The following C6orf89 variants were observed in gnomAD, a reference collection of about 807,000 sequenced individuals.
C6orf89 encodes the protein chromosome 6 open reading frame 89.
Under a neutral mutation model 40.7 loss-of-function variants are expected in C6orf89, and 29 were observed. That is an observed-to-expected ratio of 0.71 (90% CI 0.53 to 0.97). C6orf89 has a LOEUF of 0.97. C6orf89 is among the 50% of genes least tolerant of loss of function. The pLI, the probability that C6orf89 is intolerant of heterozygous loss-of-function variation, is 0.00. For synonymous variants in C6orf89, 165 were observed against 152.2 expected, an observed-to-expected ratio of 1.08 and a Z score of -0.62; for missense variants, 392 against 429.1, an observed-to-expected ratio of 0.91 and a Z score of 0.76.
At chr6:36,914,519 C>T (rs943352625) in intron 5 of C6orf89, 35 bp from the exon 6 acceptor site, 1 of 1,612,652 alleles carries the variant, frequency 6.2e-7, no homozygotes, top group Non-Finnish European at 8.5e-7. Context: ...ACAAGTAACT[C>T]TGTGTTGTTT....
intron 2 of C6orf89, among the ~76,000 whole-genome samples, chr6:36,880,415 CCTGT>C (rs34916536): frequency 0.14 from 20,738 of 152,014 alleles, 1,617 homozygotes; most frequent in East Asian, 0.27. Flanking sequence ...TCTTCTTCTG[CCTGT>C]CTGTCTAATT....
chr6:36,888,491 G>C (rs1775075141), intron 1 of C6orf89, among the ~76,000 whole-genome samples: 1 of 152,174 alleles, frequency 6.6e-6, no homozygotes, highest in Non-Finnish European at 1.5e-5. Context: ...AAAATTAGCT[G>C]AGTGTGGTGG....
chr6:36,913,849 T>TTTAAA lies in C6orf89; in HGVS notation c.404-435_404-434insTTAAA, dbSNP rs557395240. Among the ~76,000 whole-genome samples, 3,050 of 152,318 alleles carry TTTAAA rather than the reference T, an allele frequency of 0.02. 202 individuals are homozygous for TTTAAA. In the East Asian group the frequency reaches 0.26, roughly 13 times the overall value. ...TACCTTTTCAGCGGTCTCCAGTGCT[T>TTTAAA]ATCATTGTTTGTTTTTAAAAATTAT... On this transcript the variant is annotated intron_variant, in intron 4 of 8. Coordinates refer to ENST00000480824, the MANE Select transcript of C6orf89 (RefSeq NM_001286635.2).
At position 36,907,964 on chromosome 6, in the gene C6orf89, G is replaced by A. The variant is rs997674; in HGVS notation, c.403+5530G>A. Among the ~76,000 whole-genome samples the A allele has an allele frequency of 0.02, 3,063 of 152,268 alleles. 204 individuals are homozygous for A. In the East Asian group the frequency reaches 0.26, roughly 13 times the overall value. ...CTCCAGCCAGTTGTATAGAGAACAC[G>A]TCAGACAAAACCTTTTCAGATGGAC... On this transcript the variant is annotated intron_variant, in intron 4 of 8. Transcript: ENST00000480824.
intron 4 of C6orf89, among the ~76,000 whole-genome samples, chr6:36,911,076 C>T (rs1368485797): frequency 1.3e-5 from 2 of 152,134 alleles, no homozygotes; most frequent in African/African-American, 2.4e-5. Context: ...GTTTGCTATT[C>T]CTACTTTCTT....
chr6:36,919,521 G>A, intron 7 of C6orf89, 57 bp from the exon 8 acceptor site: 2 of 1,570,202 alleles, frequency 1.3e-6, no homozygotes, highest in Non-Finnish European at 1.7e-6. Context: ...TAAACCCCCT[G>A]GTTTTATTTC....
At chr6:36,901,323 T>TATTATTATTATTACTA (rs1382621439) in intron 3 of C6orf89, among the ~76,000 whole-genome samples, 2 of 32,600 alleles carry the variant, frequency 6.1e-5, no homozygotes, top group African/African-American at 3.4e-4. Context: ...TTATTATTAT[T>TATTATTATTATTACTA]TTTTTTTTTT....
chr6:36,921,776 C>T (rs929818522), intron 8 of C6orf89, among the ~76,000 whole-genome samples: 2 of 152,164 alleles, frequency 1.3e-5, no homozygotes, highest in Admixed American at 6.5e-5. Flanking sequence ...ACCTATAATC[C>T]CAGCACTTTG....
At chr6:36,905,038 G>A (rs1020506482) in intron 4 of C6orf89, among the ~76,000 whole-genome samples, 4 of 152,186 alleles carry the variant, frequency 2.6e-5, no homozygotes, top group African/African-American at 7.2e-5. Context: ...ACTTTGCAGC[G>A]AGTCATGGAA....
intron 7 of C6orf89, 58 bp downstream of exon 7, chr6:36,916,632 A>T (rs1762333383): frequency 1.2e-6 from 2 of 1,605,808 alleles, no homozygotes; most frequent in South Asian, 2.2e-5. Context: ...ACCTGGACTG[A>T]TGTCATAACC....
intron 8 of C6orf89, among the ~76,000 whole-genome samples, chr6:36,920,195 A>T (rs1762465409): frequency 6.6e-6 from 1 of 152,190 alleles, no homozygotes; most frequent in East Asian, 1.9e-4. Context: ...CACACAAGGA[A>T]ATGTTACCTT....
Position 36,901,318 on chromosome 6 carries a change from ATTATTTTTTTT to A in C6orf89, c.190-900_190-890del, listed in dbSNP as rs1486877207. 1.5e-3 allele frequency among the ~76,000 whole-genome samples: 96 copies of A among 65,136 alleles called. 1 individual carries two copies. The highest frequency in any genetic ancestry group is 6.0e-3 in the African/African-American group (92 of 15,362). 42.7% of individuals were successfully genotyped at this position (65,136 alleles called of 152,430 possible). ...TATTATTATTATTATTATTATTATT[ATTATTTTTTTT>A]TTTTTTTTTTTTTTTTTTTTTTTGA... On this transcript the variant is annotated intron_variant, in intron 3 of 8. Transcript: ENST00000480824.
At chr6:36,882,713 C>CTTTTTTTTTT (rs1168220528), upstream of C6orf89, among the ~76,000 whole-genome samples, 2 of 115,452 alleles carry the variant, frequency 1.7e-5, no homozygotes, top group African/African-American at 3.0e-5. Context: ...TTGTCATTTT[C>CTTTTTTTTTT]TTTTTTTTTT....
At chr6:36,892,077 C>G (rs907335249) in intron 1 of C6orf89, among the ~76,000 whole-genome samples, 2 of 152,214 alleles carry the variant, frequency 1.3e-5, no homozygotes, top group African/African-American at 2.4e-5. Flanking sequence ...AGATATGCCT[C>G]TACCCTGTTT....
rs1583211634 is a variant in C6orf89, at chr6:36,925,579, C to T, written c.*2138C>T. On this transcript the variant is annotated 3_prime_UTR_variant, in exon 9 of 9. Transcript: ENST00000480824. ...ATATACTACTCATTTTACTTAAAATCTACCCAGTTCAGACTTGAATGTAAA... is the reference window on the plus strand; with the variant it reads ...ATATACTACTCATTTTACTTAAAATTTACCCAGTTCAGACTTGAATGTAAA... The T allele has an allele frequency of 6.6e-6, 1 of 152,180 alleles. No homozygotes were observed. The highest frequency in any genetic ancestry group is 2.4e-5 in the African/African-American group (1 of 41,450). 9.4% of individuals were successfully genotyped at this position (152,180 alleles called of 1,614,324 possible).
chr6:36,882,057 A>C (rs1475509723), upstream of C6orf89, among the ~76,000 whole-genome samples: 16 of 152,172 alleles, frequency 1.1e-4, no homozygotes, highest in South Asian at 4.1e-4. Context: ...TAAACAACAA[A>C]AAAAAATGGT....
chr6:36,898,146 G>T (rs935720919), intron 2 of C6orf89, among the ~76,000 whole-genome samples: 35 of 152,210 alleles, frequency 2.3e-4, no homozygotes, highest in African/African-American at 8.0e-4. Flanking sequence ...GCAGTGGTAT[G>T]ATCATAGCTC....
intron 3 of C6orf89, among the ~76,000 whole-genome samples, chr6:36,901,972 G>A (rs1443401894): frequency 2.0e-5 from 3 of 152,208 alleles, no homozygotes; most frequent in Non-Finnish European, 4.4e-5. Flanking sequence ...TGCCCAGCCT[G>A]TGTATTTTTA....
intron 1 of C6orf89, among the ~76,000 whole-genome samples, chr6:36,893,025 C>T (rs920768183): frequency 1.3e-4 from 19 of 151,832 alleles, no homozygotes; most frequent in African/African-American, 4.4e-4. Flanking sequence ...AGCTCTGTCT[C>T]CTGGGGTCAC....
Sources: gnomAD v4.1 joint callset for allele counts (sites outside exome capture counted in the v4.1 genomes callset) on GRCh38, gnomAD v4.1.1 for gene constraint, MANE v1.5 for transcripts, NCBI Gene and HGNC (gene_info 2026-07-23, HGNC 2026-07-21) for gene names.